PRKAA1: variants seen among roughly 807,000 people sequenced by gnomAD.
PRKAA1 encodes 5'-AMP-activated protein kinase catalytic subunit alpha-1.
In PRKAA1, 23 loss-of-function variants were observed where a neutral mutation model predicts 56.9. The observed-to-expected ratio is 0.40, with a 90% CI of 0.29 to 0.57. PRKAA1 has a LOEUF of 0.57. Ranked by LOEUF, PRKAA1 falls within the 20% of genes least tolerant of loss-of-function variation. The pLI is 0.39. For missense variants in PRKAA1, 413 were observed against 679.7 expected (o/e 0.61, Z 4.36); for synonymous variants, 226 against 227.0 (o/e 1.00, Z 0.04).
chr5:40,797,910 G>A (rs1448480668), intron 1 of PRKAA1, among the ~76,000 whole-genome samples, 153 bp downstream of exon 1: 2 of 152,006 alleles, frequency 1.3e-5, no homozygotes, highest in Non-Finnish European at 2.9e-5. Context: ...CAGCCCCGCG[G>A]CGGCTGGGGA....
intron 1 of PRKAA1, among the ~76,000 whole-genome samples, chr5:40,787,065 G>A: frequency 6.6e-6 from 1 of 151,636 alleles, no homozygotes. Flanking sequence ...AAAACTCACT[G>A]GAAAAAGTAA....
chr5:40,796,735 A>C lies in PRKAA1; in HGVS notation c.127+1328T>G, dbSNP rs563878202. On this transcript the variant is annotated intron_variant, in intron 1 of 8. Transcript: ENST00000397128. ...GACTCAGAAAATGGCAAGAGAAGGA[A>C]GCGTTCTTCTCTTCTAACCCTAAAT... 7.2e-5 allele frequency among the ~76,000 whole-genome samples: 11 copies of C among 152,350 alleles called. No homozygotes were observed. The Middle Eastern group carries it at 0.01, about 141-fold the overall frequency.
intron 1 of PRKAA1, among the ~76,000 whole-genome samples, chr5:40,778,279 A>AT (rs1429674261): frequency 6.7e-6 from 1 of 150,374 alleles, no homozygotes; most frequent in African/African-American, 2.5e-5. Flanking sequence ...ATATTTAGAC[A>AT]TATTATAAGA....
chr5:40,792,976 A>T (rs1431372616), intron 1 of PRKAA1, among the ~76,000 whole-genome samples: 1 of 151,874 alleles, frequency 6.6e-6, no homozygotes, highest in East Asian at 1.9e-4. Context: ...CTGAGGCTGG[A>T]GAATCGCTTG....
At chr5:40,788,507 C>T (rs896747384) in intron 1 of PRKAA1, among the ~76,000 whole-genome samples, 1 of 152,046 alleles carries the variant, frequency 6.6e-6, no homozygotes, top group African/African-American at 2.4e-5. Flanking sequence ...CAATAATAAA[C>T]AAATGGGATG....
chr5:40,796,956 A>G (rs1361988566), intron 1 of PRKAA1, among the ~76,000 whole-genome samples: 1 of 152,116 alleles, frequency 6.6e-6, no homozygotes, highest in East Asian at 1.9e-4. Flanking sequence ...TGCATCCCTT[A>G]TAACAAAGTC....
At position 40,765,178 on chromosome 5, in the gene PRKAA1, A is replaced by G. The variant is rs755240423; in HGVS notation, c.882T>C (p.Tyr294=). 22 of 1,613,756 alleles carry G rather than the reference A, an allele frequency of 1.4e-5. No homozygotes were observed. Among genetic ancestry groups the G allele is most frequent in the Non-Finnish European group, 1.8e-5 (21 of 1,179,786 alleles). Residue 294 remains tyrosine (Y), a synonymous_variant, in exon 7 of 9, where the codon TAT becomes TAC. Transcript: ENST00000397128. The stretch of plus-strand genomic sequence containing the variant: ...CTTCATCATCAATCATGGTTGAACT[A>G]TATGATGGATCCTCAGGAAAGAGAT... ...PKYLFPEDPS[Y]SSTMIDDEAL...
intron 1 of PRKAA1, among the ~76,000 whole-genome samples, chr5:40,795,035 A>ACACACACAC: frequency 6.6e-6 from 1 of 151,752 alleles, no homozygotes; most frequent in Non-Finnish European, 1.5e-5. Context: ...ACACACACAC[A>ACACACACAC]AAATGGAATA....
chr5:40,786,398 T>C (rs1035905715), intron 1 of PRKAA1, among the ~76,000 whole-genome samples: 2 of 152,110 alleles, frequency 1.3e-5, no homozygotes, highest in African/African-American at 4.8e-5. Context: ...TTTCTGTTGC[T>C]GTAAGTCATT....
rs570597736 is a variant in PRKAA1, at chr5:40,762,490, G to A, written c.*288C>T. The A allele has an allele frequency of 1.2e-5, 4 of 327,878 alleles. No individual in the cohort carries two copies. Among genetic ancestry groups the A allele is most frequent in the South Asian group, 1.1e-4 (3 of 27,072 alleles). 20.3% of individuals were successfully genotyped at this position (327,878 alleles called of 1,614,324 possible). A position where few individuals can be genotyped will look rare whatever the true frequency, so the allele number is the denominator to read the frequency against. On this transcript the variant is annotated 3_prime_UTR_variant, in exon 9 of 9. Coordinates refer to ENST00000397128, the MANE Select transcript of PRKAA1 (RefSeq NM_006251.6). ...ATGTAAATTAATATTTCAAAGCCCT[G>A]TGTACACTAAATATAAAATAGCCAA... is the stretch of plus-strand genomic sequence containing the variant.
Position 40,764,782 on chromosome 5 carries a change from T to C in PRKAA1, c.1278A>G (p.Arg426=), listed in dbSNP as rs1249524361. Reference sequence around the variant, plus strand: ...ATTCATAATCCAATTGTTTGATTGCTCTACATACTTCTGCCATAATATCAT... The same window carrying C: ...ATTCATAATCCAATTGTTTGATTGCCCTACATACTTCTGCCATAATATCAT... ...RPNDIMAEVC[R]AIKQLDYEWK... The change falls in exon 7 of 9, where the codon AGA becomes AGG. Residue 426 remains arginine, a synonymous_variant. Transcript: ENST00000397128. 3.7e-6 allele frequency: 6 copies of C among 1,613,818 alleles called. No homozygotes were observed. The highest frequency in any genetic ancestry group is 4.2e-6 in the Non-Finnish European group (5 of 1,179,696).
intron 1 of PRKAA1, among the ~76,000 whole-genome samples, chr5:40,787,910 T>TA: frequency 6.6e-6 from 1 of 152,150 alleles, no homozygotes; most frequent in East Asian, 1.9e-4. Context: ...GCTAAATGGA[T>TA]AAAAAACAAG....
intron 1 of PRKAA1, among the ~76,000 whole-genome samples, chr5:40,792,606 G>T (rs577830134): frequency 6.6e-6 from 1 of 152,182 alleles, no homozygotes; most frequent in East Asian, 1.9e-4. Flanking sequence ...TATACAACTT[G>T]CTTTCGAGGT....
intron 1 of PRKAA1, among the ~76,000 whole-genome samples, chr5:40,794,909 G>A (rs1744857986): frequency 6.6e-6 from 1 of 151,120 alleles, no homozygotes; most frequent in South Asian, 2.1e-4. Context: ...GCACATGCAT[G>A]TTTATAGCAG....
chr5:40,783,338 T>A (rs992105887), intron 1 of PRKAA1, among the ~76,000 whole-genome samples: 1 of 144,442 alleles, frequency 6.9e-6, no homozygotes, highest in African/African-American at 2.6e-5. Context: ...AAATTATATA[T>A]GCATTTTACA....
intron 1 of PRKAA1, among the ~76,000 whole-genome samples, chr5:40,785,590 C>A (rs995029420): frequency 4.0e-5 from 6 of 151,834 alleles, no homozygotes; most frequent in Non-Finnish European, 8.8e-5. Context: ...AAAAGTTACT[C>A]AAAAACTAAG....
intron 6 of PRKAA1, 51 bp from the exon 7 acceptor site, chr5:40,765,289 C>A (rs2111982231): frequency 6.6e-7 from 1 of 1,509,674 alleles, no homozygotes. Context: ...AGAGCTGAGA[C>A]TGAAAGTAAC....
intron 1 of PRKAA1, among the ~76,000 whole-genome samples, chr5:40,792,627 A>G (rs1744762318): frequency 6.6e-6 from 1 of 152,204 alleles, no homozygotes; most frequent in Non-Finnish European, 1.5e-5. Context: ...CTAACCTTAT[A>G]TTTTTAAGAT....
In PRKAA1 at chr5:40,773,438, G is replaced by A. The variant is rs905223748; in HGVS notation, c.364-1575C>T. ...GGAGAAAGGGATGTCTATAAAGGAAGGTTAGAAAAGTCAAAATACATTTCC... is the reference window on the plus strand; with the variant it reads ...GGAGAAAGGGATGTCTATAAAGGAAAGTTAGAAAAGTCAAAATACATTTCC... On this transcript the variant is annotated intron_variant, in intron 3 of 8. Coordinates refer to ENST00000397128, the MANE Select transcript of PRKAA1 (RefSeq NM_006251.6). Among the ~76,000 whole-genome samples, 3 of 152,250 alleles carry A rather than the reference G, an allele frequency of 2.0e-5. No homozygotes were observed. The East Asian group carries it at 5.8e-4, about 29-fold the overall frequency.
Sources: allele counts gnomAD v4.1 joint callset (sites outside exome capture counted in the v4.1 genomes callset), GRCh38; gene constraint gnomAD v4.1.1; transcripts MANE v1.5; gene names NCBI Gene and HGNC (gene_info 2026-07-23, HGNC 2026-07-21).